The following GAS7 variants were observed in gnomAD, a reference collection of about 807,000 sequenced individuals.
The protein encoded by GAS7 is growth arrest-specific protein 7.
GAS7 carries 28 observed loss-of-function variants against 71.1 expected under a neutral mutation model. That is an observed-to-expected ratio of 0.39 (90% CI 0.29 to 0.54). The LOEUF is 0.54. Ranked by LOEUF, GAS7 falls within the 20% of genes least tolerant of loss-of-function variation. The pLI, the probability that GAS7 is intolerant of heterozygous loss-of-function variation, is 0.62. For synonymous variants in GAS7, 258 were observed against 245.8 expected, an observed-to-expected ratio of 1.05 and a Z score of -0.46; for missense variants, 436 against 627.8, an observed-to-expected ratio of 0.69 and a Z score of 3.27.
chr17:10,009,737 T>C (rs375401147), intron 2 of GAS7, among the ~76,000 whole-genome samples: 31 of 149,890 alleles, frequency 2.1e-4, no homozygotes, highest in African/African-American at 6.6e-4. Flanking sequence ...CCTGGTGTGG[T>C]GACATATGCC....
At chr17:10,124,377 C>T (rs1353816123) in intron 1 of GAS7, among the ~76,000 whole-genome samples, 1 of 109,122 alleles carries the variant, frequency 9.2e-6, no homozygotes, top group African/African-American at 3.0e-5. Flanking sequence ...AAAGCGCAGC[C>T]TCCACACAAC....
At chr17:10,069,665 C>T (rs1208486411) in intron 1 of GAS7, among the ~76,000 whole-genome samples, 1 of 151,908 alleles carries the variant, frequency 6.6e-6, no homozygotes, top group Non-Finnish European at 1.5e-5. Context: ...GAACCTCCCA[C>T]ACCCAGTATC....
intron 1 of GAS7, among the ~76,000 whole-genome samples, chr17:10,184,075 C>G (rs969899770): frequency 6.6e-6 from 1 of 152,188 alleles, no homozygotes. Context: ...AACCAGTTAT[C>G]CCCTTGGAAC....
At chr17:10,002,771 T>C (rs922811978) in intron 2 of GAS7, among the ~76,000 whole-genome samples, 1 of 152,226 alleles carries the variant, frequency 6.6e-6, no homozygotes, top group Non-Finnish European at 1.5e-5. Flanking sequence ...TAGTATTCCA[T>C]GGTGTATATG....
chr17:10,033,148 C>T (rs1361742716), intron 1 of GAS7, among the ~76,000 whole-genome samples: 2 of 152,142 alleles, frequency 1.3e-5, no homozygotes, highest in Non-Finnish European at 2.9e-5. Flanking sequence ...ATATCTATAA[C>T]GATATCACTT....
intron 4 of GAS7, among the ~76,000 whole-genome samples, chr17:9,963,039 G>GA (rs71139010): frequency 0.46 from 59,658 of 130,738 alleles, 12,948 homozygotes; most frequent in Non-Finnish European, 0.51. Context: ...TCAAGGTGAT[G>GA]AAAAAAAAAA....
intron 1 of GAS7, among the ~76,000 whole-genome samples, chr17:10,090,712 G>A (rs1408966270): frequency 6.6e-6 from 1 of 152,052 alleles, no homozygotes; most frequent in Non-Finnish European, 1.5e-5. Flanking sequence ...TTTCATGCCA[G>A]GGCATGAAAT....
intron 2 of GAS7, among the ~76,000 whole-genome samples, chr17:10,011,092 T>C (rs2071752020): frequency 6.6e-6 from 1 of 152,222 alleles, no homozygotes; most frequent in Non-Finnish European, 1.5e-5. Context: ...AACCCACTTT[T>C]ATGAAAGATC....
rs201634738 is a variant in GAS7 at position 10,167,664 on chromosome 17, CT to C, written c.183+30543del. Among the ~76,000 whole-genome samples, 1,360 of 151,280 alleles carry C rather than the reference CT, an allele frequency of 9.0e-3. 20 individuals carry two copies. Among genetic ancestry groups the C allele is most frequent in the African/African-American group, 0.03 (1,218 of 41,236 alleles). On this transcript the variant is annotated intron_variant, in intron 1 of 13. Transcript: ENST00000432992. ...CAAACATTGCGAAGGTCTTTTTTTT[CT>C]TTTTTTTTCTGTGTCTTTTTTTAGA...
intron 1 of GAS7, among the ~76,000 whole-genome samples, chr17:10,045,652 G>A (rs1254582990): frequency 2.0e-5 from 3 of 152,160 alleles, no homozygotes; most frequent in Admixed American, 6.5e-5. Flanking sequence ...AGCTGAGATC[G>A]CGCCATTGCA....
rs1433643634 is a variant in GAS7 at position 10,009,270 on chromosome 17, G to A, written c.304+10507C>T. On this transcript the variant is annotated intron_variant, in intron 2 of 13. Transcript: ENST00000432992. Reference sequence around the variant, plus strand: ...CGGGAGGCGGAGCTTGCAGTGAGCCGAGATCCCGCCACTGCACTCCAGTCT... The same window carrying A: ...CGGGAGGCGGAGCTTGCAGTGAGCCAAGATCCCGCCACTGCACTCCAGTCT... 2.8e-5 allele frequency among the ~76,000 whole-genome samples: 4 copies of A among 141,308 alleles called. No homozygotes were observed. In the South Asian group the frequency reaches 6.6e-4, roughly 23 times the overall value. The allele number at this position is 141,308 out of a possible 152,430, so 92.7% of individuals were successfully genotyped here.
At chr17:10,074,475 G>A (rs1006830568) in intron 1 of GAS7, among the ~76,000 whole-genome samples, 4 of 152,064 alleles carry the variant, frequency 2.6e-5, no homozygotes, top group African/African-American at 7.2e-5. Flanking sequence ...TCTCAGTGTT[G>A]GATAGCAATG....
intron 1 of GAS7, among the ~76,000 whole-genome samples, chr17:10,166,722 A>C (rs575955523): frequency 6.6e-6 from 1 of 152,216 alleles, no homozygotes; most frequent in Non-Finnish European, 1.5e-5. Context: ...AATTTTCCCT[A>C]TTCTGCTTAG....
chr17:10,095,712 C>G (rs984499403), intron 1 of GAS7, among the ~76,000 whole-genome samples: 2 of 150,250 alleles, frequency 1.3e-5, no homozygotes, highest in African/African-American at 4.9e-5. Context: ...CCCAGCTACT[C>G]GGGAGGCTAA....
At chr17:9,934,479 GT>G (rs2068322173) in intron 8 of GAS7, among the ~76,000 whole-genome samples, 1 of 152,046 alleles carries the variant, frequency 6.6e-6, no homozygotes, top group Non-Finnish European at 1.5e-5. Context: ...GAAACAGACT[GT>G]GGCGCACAGC....
rs953991086 is a variant in GAS7 at position 9,926,598 on chromosome 17, T to C, written c.1014+43A>G. The C allele has an allele frequency of 1.9e-6, 3 of 1,601,354 alleles. No homozygotes were observed. Among genetic ancestry groups the C allele is most frequent in the Non-Finnish European group, 2.6e-6 (3 of 1,173,078 alleles). On this transcript the variant is annotated intron_variant, in intron 10 of 13. Coordinates refer to ENST00000432992, the MANE Select transcript of GAS7 (RefSeq NM_201433.2). This position sits in a 1 kb window ranked among gnomAD's most constrained non-coding sequence, Gnocchi z 5.0. ...TCCCAGTCCCCCTTCTTCCAGGCAG[T>C]CCCCCATGCACCTGCCCTGGCCCAG...
Position 9,912,843 on chromosome 17 carries a change from G to T in GAS7, c.*4385C>A, listed in dbSNP as rs767484411. The T allele has an allele frequency of 4.3e-6, 1 of 232,636 alleles. No individual in the cohort carries two copies. Among genetic ancestry groups the T allele is most frequent in the African/African-American group, 2.2e-5 (1 of 45,314 alleles). 14.4% of individuals were successfully genotyped at this position (232,636 alleles called of 1,614,324 possible). A position where few individuals can be genotyped will look rare whatever the true frequency, so the allele number is the denominator to read the frequency against. ...GGCTCAGTGTAAAAATAAAGAAGCA[G>T]AGTAGTACGCCCATGCAATGAAATA... is the stretch of plus-strand genomic sequence containing the variant. On this transcript the variant is annotated 3_prime_UTR_variant, in exon 14 of 14. Coordinates refer to ENST00000432992, the MANE Select transcript of GAS7 (RefSeq NM_201433.2).
intron 5 of GAS7, among the ~76,000 whole-genome samples, chr17:9,955,311 T>A (rs1379845580): frequency 1.3e-5 from 2 of 152,190 alleles, no homozygotes; most frequent in Admixed American, 1.3e-4. Context: ...AGGGTCCAGC[T>A]ACACCTCTGG....
chr17:10,117,631 G>A (rs1367318111), intron 1 of GAS7, among the ~76,000 whole-genome samples: 1 of 152,120 alleles, frequency 6.6e-6, no homozygotes. Context: ...GCCACTGTAG[G>A]GCTTCCGCGT....
Sources: gnomAD v4.1 joint callset for allele counts (sites outside exome capture counted in the v4.1 genomes callset) on GRCh38, gnomAD v4.1.1 for gene constraint, Gnocchi (gnomAD v3.1) non-coding constraint, MANE v1.5 for transcripts, NCBI Gene and HGNC (gene_info 2026-07-23, HGNC 2026-07-21) for gene names.